The following FBXW10 variants were observed in gnomAD, a reference collection of about 807,000 sequenced individuals.
FBXW10 encodes F-box/WD repeat-containing protein 10.
Under a neutral mutation model 113.1 loss-of-function variants are expected in FBXW10, and 68 were observed. That is an observed-to-expected ratio of 0.60 (90% CI 0.49 to 0.74). The LOEUF (loss-of-function observed/expected upper bound fraction) is 0.74, where lower values mean the gene tolerates loss of function less well. Among genes scored for constraint, FBXW10 ranks in the 30% least tolerant of loss-of-function variants. The pLI is 0.00. For missense variants in FBXW10, 753 were observed against 1,284.5 expected (o/e 0.59, Z 6.32); for synonymous variants, 289 against 481.6 (o/e 0.60, Z 5.24).
At chr17:18,775,046 AATTATCAGC>A in intron 12 of FBXW10, 81 bp from the exon 13 acceptor site, 1 of 813,020 alleles carries the variant, frequency 1.2e-6, no homozygotes, top group African/African-American at 1.7e-5. Context: ...AAATCAGTCC[AATTATCAGC>A]CCCATTATTA....
chr17:18,757,288 A>G (rs1235282811), intron 6 of FBXW10, among the ~76,000 whole-genome samples: 1 of 152,074 alleles, frequency 6.6e-6, no homozygotes, highest in Non-Finnish European at 1.5e-5. Flanking sequence ...GGCTCAAGCG[A>G]TTCTCCTGCC....
At chr17:18,763,783 G>T (rs1394885142) in intron 7 of FBXW10, among the ~76,000 whole-genome samples, 2 of 151,986 alleles carry the variant, frequency 1.3e-5, no homozygotes, top group African/African-American at 2.4e-5. Flanking sequence ...AAAGGATTCT[G>T]TTGCTCTTGT....
At chr17:18,772,259 C>G (rs2035628641) in intron 11 of FBXW10, among the ~76,000 whole-genome samples, 153 bp from the exon 12 acceptor site, 1 of 152,218 alleles carries the variant, frequency 6.6e-6, no homozygotes, top group Non-Finnish European at 1.5e-5. Context: ...TTTCACCACT[C>G]TCCACCCTCC....
At chr17:18,762,355 G>C (rs1489857275) in intron 7 of FBXW10, among the ~76,000 whole-genome samples, 1 of 128,942 alleles carries the variant, frequency 7.8e-6, no homozygotes, top group Non-Finnish European at 1.6e-5. Context: ...GTCTCGCTCT[G>C]TTGCCAGGCT....
chr17:18,747,318 T>G (rs1476601493), intron 1 of FBXW10, among the ~76,000 whole-genome samples: 1 of 152,156 alleles, frequency 6.6e-6, no homozygotes, highest in African/African-American at 2.4e-5. Flanking sequence ...CCCAGCACAT[T>G]TGGAGGCCGA....
intron 10 of FBXW10, among the ~76,000 whole-genome samples, chr17:18,768,934 A>ATTTTTTTTTTT (rs59007149): frequency 8.7e-6 from 1 of 114,392 alleles, no homozygotes; most frequent in Non-Finnish European, 1.7e-5. Context: ...GAAGTTATTG[A>ATTTTTTTTTTT]TTTTTTTTTT....
intron 6 of FBXW10, among the ~76,000 whole-genome samples, chr17:18,757,730 T>G (rs1285843839): frequency 2.6e-5 from 4 of 152,244 alleles, no homozygotes; most frequent in African/African-American, 9.6e-5. Context: ...TGTTCATACT[T>G]TACCTATTTG....
Position 18,766,709 on chromosome 17 carries a change from T to G in FBXW10, c.1556-5T>G. ...CATGTCTTCCTCTCTCTCCCTCCTGTTCAGTATGGGATGTAGACACAGGGA... is the reference window on the plus strand; with the variant it reads ...CATGTCTTCCTCTCTCTCCCTCCTGGTCAGTATGGGATGTAGACACAGGGA... On this transcript the variant is annotated splice_region_variant and splice_polypyrimidine_tract_variant and intron_variant, in intron 8 of 13. Coordinates refer to ENST00000395665, the MANE Select transcript of FBXW10 (RefSeq NM_001267585.2). 6.2e-7 allele frequency: 1 copy of G among 1,613,810 alleles called. No homozygotes were observed.
chr17:18,756,476 G>GA (rs1178666820), intron 6 of FBXW10, among the ~76,000 whole-genome samples: 4 of 151,658 alleles, frequency 2.6e-5, no homozygotes, highest in Non-Finnish European at 5.9e-5. Flanking sequence ...ACGGTTATTG[G>GA]AAAAAATCTT....
chr17:18,749,790 A>G lies in FBXW10; in HGVS notation c.739A>G (p.Ile247Val). The stretch of plus-strand genomic sequence containing the variant: ...TAGGCTGTTTTCTGGAAAAGGAGAC[A>G]TAACCAAGCCAGGGTACGATCCCTG... Reference protein sequence around the residue: ...MNRLFSGKGDITKPGYDPCNL... With the variant: ...MNRLFSGKGDVTKPGYDPCNL... Residue 247 changes from isoleucine (I) to valine (V), a missense_variant, in exon 3 of 14, where the codon ATA becomes GTA. By Grantham distance (29) the Ile-to-Val change is conservative (BLOSUM62 3). Coordinates refer to ENST00000395665, the MANE Select transcript of FBXW10 (RefSeq NM_001267585.2). 6.2e-7 allele frequency: 1 copy of G among 1,614,254 alleles called. No homozygotes were observed. The highest frequency in any genetic ancestry group is 1.1e-5 in the South Asian group (1 of 91,092).
intron 11 of FBXW10, among the ~76,000 whole-genome samples, chr17:18,771,689 G>C (rs1758765253): frequency 6.6e-6 from 1 of 152,146 alleles, no homozygotes; most frequent in Non-Finnish European, 1.5e-5. Context: ...TATTGGGTTT[G>C]GAAGCTGTGC....
rs751820849 is a variant in FBXW10 at position 18,744,313 on chromosome 17, C to T, written c.69C>T (p.Ile23=). The T allele has an allele frequency of 5.0e-6, 8 of 1,613,366 alleles. No individual in the cohort carries two copies. Among genetic ancestry groups the T allele is most frequent in the Non-Finnish European group, 6.8e-6 (8 of 1,179,770 alleles). ...GTTGTGAGAAGGGAACCGATTCCAT[C>T]CCTCTATGCCGGAAGTGTGAGACGT... The part of the protein sequence containing the change: ...YFRCEKGTDS[I]PLCRKCETCV... Residue 23 remains isoleucine (I), a synonymous_variant, in exon 1 of 14, where the codon ATC becomes ATT. Coordinates refer to ENST00000395665, the MANE Select transcript of FBXW10 (RefSeq NM_001267585.2).
intron 12 of FBXW10, among the ~76,000 whole-genome samples, chr17:18,774,406 C>G (rs934720743): frequency 1.3e-5 from 2 of 152,138 alleles, no homozygotes; most frequent in African/African-American, 4.8e-5. Flanking sequence ...TGGTTTCATA[C>G]GACAATAAAC....
chr17:18,773,509 T>C (rs1461808969), intron 12 of FBXW10, among the ~76,000 whole-genome samples: 5 of 152,198 alleles, frequency 3.3e-5, no homozygotes, highest in African/African-American at 1.2e-4. Flanking sequence ...TGTGTGTGTA[T>C]GTAGGTGGGG....
chr17:18,747,978 T>C lies in FBXW10; in HGVS notation c.543T>C (p.Pro181=). ...NQDITDVCFS[P]EKDHSSKSAT... ...ACATCACAGATGTGTGTTTTTCCCC[T>C]GAGAAAGACCACAGCTCCAAGTCTG... The change falls in exon 2 of 14, where the codon CCT becomes CCC. Residue 181 remains proline (P), a synonymous_variant. Transcript: ENST00000395665. 1 of 1,613,802 alleles carries C rather than the reference T, an allele frequency of 6.2e-7. No homozygotes were observed. Among genetic ancestry groups the C allele is most frequent in the East Asian group, 2.2e-5 (1 of 44,872 alleles).
chr17:18,747,592 A>G (rs1391917279), intron 1 of FBXW10, among the ~76,000 whole-genome samples: 1 of 152,024 alleles, frequency 6.6e-6, no homozygotes. Context: ...AAAAAGTTAA[A>G]TGTTCTATTT....
intron 11 of FBXW10, among the ~76,000 whole-genome samples, chr17:18,770,566 C>T (rs578202191): frequency 3.9e-5 from 6 of 152,056 alleles, no homozygotes; most frequent in East Asian, 3.9e-4. Flanking sequence ...CCTTCCAAAG[C>T]GCTGGGATTA....
At chr17:18,755,632 T>A (rs2035246524) in intron 5 of FBXW10, among the ~76,000 whole-genome samples, 1 of 152,226 alleles carries the variant, frequency 6.6e-6, no homozygotes, top group Non-Finnish European at 1.5e-5. Flanking sequence ...CTGAGTGTGC[T>A]TTGTACTATC....
intron 8 of FBXW10, among the ~76,000 whole-genome samples, 157 bp downstream of exon 8, chr17:18,765,020 TATCA>T (rs2035465210): frequency 6.6e-6 from 1 of 152,228 alleles, no homozygotes; most frequent in Admixed American, 6.5e-5. Context: ...TCCTTCCATC[TATCA>T]ATCAATCCAT....
Sources: allele counts gnomAD v4.1 joint callset (sites outside exome capture counted in the v4.1 genomes callset), GRCh38; gene constraint gnomAD v4.1.1; transcripts MANE v1.5; gene names NCBI Gene and HGNC (gene_info 2026-07-23, HGNC 2026-07-21).